Variants in BCAR3 observed in about 807,000 individuals in gnomAD.
The protein encoded by BCAR3 is breast cancer anti-estrogen resistance protein 3.
A neutral mutation model predicts 80.1 loss-of-function variants in BCAR3; 37 were observed. The observed-to-expected ratio is 0.46, with a 90% CI of 0.36 to 0.61. The LOEUF is 0.61. BCAR3 is among the 20% of genes least tolerant of loss of function. BCAR3 has a pLI of 0.00. For missense variants in BCAR3, 978 were observed against 1,068.2 expected, an observed-to-expected ratio of 0.92 and a Z score of 1.18; for synonymous variants, 389 against 418.9, an observed-to-expected ratio of 0.93 and a Z score of 0.87.
intron 4 of BCAR3, chr1:93,590,472 T>TA (rs1216624507): frequency 6.6e-6 from 1 of 152,238 alleles, no homozygotes; most frequent in Non-Finnish European, 1.5e-5. Flanking sequence ...CGGTTATGGT[T>TA]ATAGTGTTCA....
At chr1:93,597,190 A>T (rs1674449186) in intron 3 of BCAR3, among the ~76,000 whole-genome samples, 1 of 152,194 alleles carries the variant, frequency 6.6e-6, no homozygotes, top group Admixed American at 6.5e-5. Flanking sequence ...GTACATGGTT[A>T]CCCACTCACA....
chr1:93,843,349 ATTTC>A (rs2100853543), intron 2 of BCAR3, among the ~76,000 whole-genome samples: 1 of 152,288 alleles, frequency 6.6e-6, no homozygotes, highest in South Asian at 2.1e-4. Flanking sequence ...AGGATGTGGG[ATTTC>A]TTTATTAAGA....
intron 2 of BCAR3, among the ~76,000 whole-genome samples, chr1:93,755,492 G>A (rs1651711571): frequency 6.6e-6 from 1 of 152,146 alleles, no homozygotes; most frequent in South Asian, 2.1e-4. Flanking sequence ...GTTCAGACAT[G>A]TTTAGATACA....
intron 2 of BCAR3, among the ~76,000 whole-genome samples, chr1:93,778,311 T>A (rs920403798): frequency 1.2e-4 from 19 of 152,264 alleles, no homozygotes; most frequent in African/African-American, 4.6e-4. Flanking sequence ...ATCATTAGTT[T>A]ACACTAATAT....
intron 2 of BCAR3, among the ~76,000 whole-genome samples, chr1:93,736,647 G>A (rs905604016): frequency 6.6e-6 from 1 of 152,200 alleles, no homozygotes; most frequent in Non-Finnish European, 1.5e-5. Flanking sequence ...TGGGGGAATG[G>A]ACAAGAAGAC....
intron 2 of BCAR3, among the ~76,000 whole-genome samples, chr1:93,838,838 C>A (rs958657107): frequency 6.6e-6 from 1 of 152,054 alleles, no homozygotes; most frequent in Admixed American, 6.5e-5. Flanking sequence ...ATAAAATGCA[C>A]AGAATGGATC....
At chr1:93,613,969 A>G in intron 3 of BCAR3, 1 of 1,549,070 alleles carries the variant, frequency 6.5e-7, no homozygotes. Flanking sequence ...CACTTTCTTT[A>G]GGGTTAAAAG....
intron 3 of BCAR3, among the ~76,000 whole-genome samples, chr1:93,602,727 T>C (rs959907086): frequency 5.3e-5 from 8 of 152,196 alleles, no homozygotes; most frequent in Non-Finnish European, 8.8e-5. Flanking sequence ...CCTGCATAAA[T>C]TGATCATGAA....
chr1:93,674,809 G>T lies in BCAR3; in HGVS notation c.122C>A (p.Ala41Asp). The change falls in exon 2 of 12, where the codon GCC (alanine) becomes GAC (aspartate). Residue 41 changes from alanine (A) to aspartate (D), a missense_variant. Ala to Asp is a moderately radical substitution (Grantham distance 126). Transcript: ENST00000260502. Reference sequence around the variant, plus strand: ...GCCATGTATAGACACATCTTGATAGGCATCTGGGCGATGCTCAGCGAGAGG... The same window carrying T: ...GCCATGTATAGACACATCTTGATAGTCATCTGGGCGATGCTCAGCGAGAGG... ...RSPLAEHRPD[A>D]YQDVSIHGTL... The T allele has an allele frequency of 6.2e-7, 1 of 1,607,628 alleles. No homozygotes were observed. The highest frequency in any genetic ancestry group is 1.3e-5 in the African/African-American group (1 of 74,526).
At chr1:93,779,065 G>A (rs1463080282) in intron 2 of BCAR3, among the ~76,000 whole-genome samples, 1 of 152,178 alleles carries the variant, frequency 6.6e-6, no homozygotes, top group Non-Finnish European at 1.5e-5. Flanking sequence ...ATGGGAGGAG[G>A]AGTGGTGAAG....
Position 93,755,095 on chromosome 1 carries a change from T to A in BCAR3, c.-62-48953A>T, listed in dbSNP as rs188247477. On this transcript the variant is annotated intron_variant, in intron 2 of 13. Coordinates refer to the BCAR3 transcript ENST00000370244. ...AAACTTAAAAACTAAAAATATTAAG[T>A]AAAAAATTTTAAAAATAGAAAAAAG... is the stretch of plus-strand genomic sequence containing the variant. Among the ~76,000 whole-genome samples, 129 of 152,044 alleles carry A rather than the reference T, an allele frequency of 8.5e-4. 2 individuals carry two copies. In the East Asian group the frequency reaches 0.022, roughly 26 times the overall value.
intron 2 of BCAR3, among the ~76,000 whole-genome samples, chr1:93,787,051 G>A (rs937246230): frequency 6.6e-6 from 1 of 152,194 alleles, no homozygotes; most frequent in Non-Finnish European, 1.5e-5. Flanking sequence ...TAAGTTTAGA[G>A]ATCTATACTT....
chr1:93,576,120 T>C lies in BCAR3; in HGVS notation c.1696A>G (p.Ile566Val). Residue 566 changes from isoleucine to valine, a missense_variant, in exon 8 of 12, where the codon ATA (isoleucine) becomes GTA (valine). Transcript: ENST00000260502. ...CTCATCTCTTCAGAGACTCCAAGTA[T>C]CCTAGCAACCTGTCAAGAGCCAAAG... ...VLSMDCRVARILGVSEEMRRN... is the reference protein window; with the variant it reads ...VLSMDCRVARVLGVSEEMRRN... 1 of 1,614,058 alleles carries C rather than the reference T, an allele frequency of 6.2e-7. No individual in the cohort carries two copies. Among genetic ancestry groups the C allele is most frequent in the Non-Finnish European group, 8.5e-7 (1 of 1,179,988 alleles).
intron 3 of BCAR3, among the ~76,000 whole-genome samples, chr1:93,692,385 C>T (rs966344823): frequency 2.6e-5 from 4 of 152,110 alleles, no homozygotes; most frequent in African/African-American, 9.7e-5. Flanking sequence ...AGAATAATTT[C>T]CAGATAGTAA....
chr1:93,588,165 C>G (rs1674022395), intron 5 of BCAR3, among the ~76,000 whole-genome samples: 1 of 152,170 alleles, frequency 6.6e-6, no homozygotes, highest in Admixed American at 6.6e-5. Flanking sequence ...CCCAAAACTG[C>G]TGCTGGACTG....
intron 2 of BCAR3, among the ~76,000 whole-genome samples, chr1:93,644,783 C>T (rs1676102432): frequency 6.6e-6 from 1 of 152,168 alleles, no homozygotes; most frequent in South Asian, 2.1e-4. Context: ...TGAAGCCTCA[C>T]CCAGTTTGAG....
intron 2 of BCAR3, among the ~76,000 whole-genome samples, chr1:93,843,335 C>A (rs1030658728): frequency 1.3e-5 from 2 of 152,186 alleles, no homozygotes; most frequent in African/African-American, 2.4e-5. Context: ...TCCTTTGTTT[C>A]TGCAGGATGT....
chr1:93,595,793 T>C (rs978586271), intron 3 of BCAR3, among the ~76,000 whole-genome samples: 1 of 152,256 alleles, frequency 6.6e-6, no homozygotes, highest in Non-Finnish European at 1.5e-5. Context: ...GTGATTGATA[T>C]CTGTGCTTCT....
chr1:93,664,729 A>G (rs536451880), intron 2 of BCAR3, among the ~76,000 whole-genome samples: 1 of 152,204 alleles, frequency 6.6e-6, no homozygotes, highest in Non-Finnish European at 1.5e-5. Context: ...GGCAGCAGTC[A>G]GTCAAATTGA....
Sources: gnomAD v4.1 joint callset for allele counts (sites outside exome capture counted in the v4.1 genomes callset) on GRCh38, gnomAD v4.1.1 for gene constraint, MANE v1.5 for transcripts, NCBI Gene and HGNC (gene_info 2026-07-23, HGNC 2026-07-21) for gene names.